The following FAT3 variants were observed in gnomAD, a reference collection of about 807,000 sequenced individuals.
FAT3 encodes protocadherin Fat 3.
A neutral mutation model predicts 310.2 loss-of-function variants in FAT3; 95 were observed. The observed-to-expected ratio is 0.31, with a 90% CI of 0.26 to 0.36. The LOEUF (loss-of-function observed/expected upper bound fraction) is 0.36, where lower values mean the gene tolerates loss of function less well. Ranked by LOEUF, FAT3 falls within the 10% of genes least tolerant of loss-of-function variation. The probability of loss-of-function intolerance (pLI) is 1.00; values close to 1 mark genes in which losing one functional copy is unlikely to be tolerated. For missense variants in FAT3, 5,408 were observed against 5,715.6 expected (o/e 0.95, Z 1.74); for synonymous variants, 2,314 against 2,192.9 (o/e 1.06, Z -1.54).
intron 2 of FAT3, among the ~76,000 whole-genome samples, chr11:92,404,631 A>T (rs1463550096): frequency 6.6e-6 from 1 of 151,742 alleles, no homozygotes; most frequent in African/African-American, 2.4e-5. Flanking sequence ...ACTTCCCATG[A>T]TGGCTAATTT....
intron 2 of FAT3, among the ~76,000 whole-genome samples, chr11:92,442,998 A>T (rs1951112842): frequency 6.6e-6 from 1 of 152,180 alleles, no homozygotes; most frequent in Non-Finnish European, 1.5e-5. Flanking sequence ...CGATAAGCAA[A>T]CACAAGGGGT....
intron 2 of FAT3, among the ~76,000 whole-genome samples, chr11:92,478,932 TTCTC>T (rs1952124884): frequency 1.1e-5 from 1 of 87,406 alleles, no homozygotes; most frequent in African/African-American, 6.4e-5. Flanking sequence ...CTTTCTTTCC[TTCTC>T]TTTCTTTCTT....
At chr11:92,795,220 G>A (rs1009623338) in intron 9 of FAT3, among the ~76,000 whole-genome samples, 3 of 152,076 alleles carry the variant, frequency 2.0e-5, no homozygotes, top group Non-Finnish European at 2.9e-5. Context: ...TTGAGTTCGG[G>A]TGAGGGCATA....
At chr11:92,301,815 C>CTGTTGTT (rs1212156952) in intron 1 of FAT3, among the ~76,000 whole-genome samples, 1 of 151,978 alleles carries the variant, frequency 6.6e-6, no homozygotes, top group African/African-American at 2.4e-5. Context: ...AGTGTTGTTG[C>CTGTTGTT]TGTTGTTTGT....
chr11:92,237,564 C>T (rs1010703981), intron 1 of FAT3, among the ~76,000 whole-genome samples: 1 of 152,110 alleles, frequency 6.6e-6, no homozygotes, highest in Non-Finnish European at 1.5e-5. Context: ...TTGGAGTTAC[C>T]TGGAATTCCA....
chr11:92,436,656 T>C (rs1950946689), intron 2 of FAT3, among the ~76,000 whole-genome samples: 1 of 152,084 alleles, frequency 6.6e-6, no homozygotes, highest in Non-Finnish European at 1.5e-5. Context: ...AATATGAAAA[T>C]CTTCATCTCA....
intron 3 of FAT3, among the ~76,000 whole-genome samples, chr11:92,632,225 T>G (rs1941582283): frequency 6.6e-6 from 1 of 152,248 alleles, no homozygotes; most frequent in African/African-American, 2.4e-5. Flanking sequence ...TAGCAAGACC[T>G]TGCCTATCCA....
chr11:92,853,753 T>C (rs888518639), intron 19 of FAT3, among the ~76,000 whole-genome samples: 1 of 152,172 alleles, frequency 6.6e-6, no homozygotes, highest in African/African-American at 2.4e-5. Context: ...CTAGTCTGGA[T>C]ATCTGTTTGA....
At chr11:92,722,320 G>T (rs1385949154) in intron 4 of FAT3, among the ~76,000 whole-genome samples, 4 of 152,186 alleles carry the variant, frequency 2.6e-5, no homozygotes, top group Admixed American at 1.3e-4. Flanking sequence ...AAATCTTAAA[G>T]CTCCAAAATG....
chr11:92,789,685 T>A (rs183284669), intron 7 of FAT3, among the ~76,000 whole-genome samples: 7 of 152,346 alleles, frequency 4.6e-5, no homozygotes, highest in Admixed American at 3.3e-4. Context: ...CACCTTCAAG[T>A]GGTTGTCTCA....
At chr11:92,371,497 C>T (rs1282091095) in intron 2 of FAT3, among the ~76,000 whole-genome samples, 1 of 152,198 alleles carries the variant, frequency 6.6e-6, no homozygotes, top group Non-Finnish European at 1.5e-5. Context: ...GGGTGGATCA[C>T]TTGAGTCCAG....
intron 2 of FAT3, among the ~76,000 whole-genome samples, chr11:92,492,229 C>T (rs1431296965): frequency 6.6e-6 from 1 of 151,332 alleles, no homozygotes; most frequent in Non-Finnish European, 1.5e-5. Context: ...TATTCATCAA[C>T]TATATATATA....
intron 3 of FAT3, among the ~76,000 whole-genome samples, chr11:92,623,717 G>T (rs555573257): frequency 6.6e-6 from 1 of 152,146 alleles, no homozygotes; most frequent in Non-Finnish European, 1.5e-5. Context: ...GCCAAGGCGG[G>T]TGGATCACGA....
chr11:92,350,771 G>A (rs927752252), intron 1 of FAT3, among the ~76,000 whole-genome samples: 3 of 152,066 alleles, frequency 2.0e-5, no homozygotes, highest in Admixed American at 6.6e-5. Flanking sequence ...CAACAAAGTG[G>A]AAAAATGACT....
chr11:92,783,425 C>A (rs866050580), intron 7 of FAT3, among the ~76,000 whole-genome samples: 1 of 144,508 alleles, frequency 6.9e-6, no homozygotes, highest in African/African-American at 2.6e-5. Flanking sequence ...TAGGAAAATG[C>A]TGGAACAACT....
intron 3 of FAT3, among the ~76,000 whole-genome samples, chr11:92,668,434 C>T (rs1361775464): frequency 6.6e-6 from 1 of 152,072 alleles, no homozygotes; most frequent in African/African-American, 2.4e-5. Flanking sequence ...TCCAATAATC[C>T]AGATGGTTCC....
chr11:92,753,193 T>A (rs573417196), intron 4 of FAT3, among the ~76,000 whole-genome samples: 14 of 152,252 alleles, frequency 9.2e-5, no homozygotes, highest in Non-Finnish European at 1.5e-4. Context: ...AACTGATGGC[T>A]GCCACTTTCC....
At chr11:92,493,817 A>C (rs571789727) in intron 2 of FAT3, among the ~76,000 whole-genome samples, 1 of 152,162 alleles carries the variant, frequency 6.6e-6, no homozygotes, top group Non-Finnish European at 1.5e-5. Flanking sequence ...TTGATGGCTC[A>C]AACTTCATTC....
intron 3 of FAT3, among the ~76,000 whole-genome samples, chr11:92,604,359 A>C (rs1335944721): frequency 6.6e-6 from 1 of 152,246 alleles, no homozygotes; most frequent in Non-Finnish European, 1.5e-5. Context: ...ATATTTAATT[A>C]GTCCTTACTT....
Sources: allele counts gnomAD v4.1 joint callset (sites outside exome capture counted in the v4.1 genomes callset), GRCh38; gene constraint gnomAD v4.1.1; transcripts MANE v1.5; gene names NCBI Gene and HGNC (gene_info 2026-07-23, HGNC 2026-07-21).